The following SHROOM3 variants were observed in gnomAD, a reference collection of about 807,000 sequenced individuals.
SHROOM3 encodes protein Shroom3.
In SHROOM3, 47 loss-of-function variants were observed where a neutral mutation model predicts 138.6. The ratio of observed to expected loss-of-function variants is 0.34; its 90% confidence interval spans 0.27 to 0.43. SHROOM3 has a LOEUF of 0.43. Among genes scored for constraint, SHROOM3 ranks in the 20% least tolerant of loss-of-function variants. SHROOM3 has a pLI of 1.00. For missense variants in SHROOM3, 2,491 were observed against 2,596.5 expected, an observed-to-expected ratio of 0.96 and a Z score of 0.88; for synonymous variants, 1,062 against 1,063.3, an observed-to-expected ratio of 1.00 and a Z score of 0.02.
intron 3 of SHROOM3, among the ~76,000 whole-genome samples, chr4:76,725,709 A>G (rs1000566310): frequency 1.3e-5 from 2 of 152,084 alleles, no homozygotes; most frequent in African/African-American, 4.8e-5. Flanking sequence ...TTTTCGTGCT[A>G]CCTACTTGCT....
chr4:76,706,810 C>T (rs902985409), intron 2 of SHROOM3, among the ~76,000 whole-genome samples: 42 of 152,334 alleles, frequency 2.8e-4, no homozygotes, highest in African/African-American at 1.0e-3. Flanking sequence ...CAACTAGCAG[C>T]CAGTGTGAAT....
intron 2 of SHROOM3, among the ~76,000 whole-genome samples, chr4:76,663,878 T>C (rs1256724559): frequency 2.6e-5 from 4 of 152,190 alleles, no homozygotes; most frequent in Middle Eastern, 3.2e-3. Context: ...TGGCCATAGT[T>C]CCAACTGGTT....
chr4:76,483,025 A>T (rs1482660660), intron 1 of SHROOM3, among the ~76,000 whole-genome samples: 1 of 152,216 alleles, frequency 6.6e-6, no homozygotes, highest in Non-Finnish European at 1.5e-5. Context: ...ACTTAAATGT[A>T]AAACCTGAAA....
chr4:76,611,086 C>T (rs1374268002), intron 2 of SHROOM3, among the ~76,000 whole-genome samples: 1 of 152,092 alleles, frequency 6.6e-6, no homozygotes, highest in Non-Finnish European at 1.5e-5. Context: ...ATTAAATTGA[C>T]CATTTTAACC....
At chr4:76,516,067 G>C (rs1732437860) in intron 1 of SHROOM3, among the ~76,000 whole-genome samples, 1 of 152,184 alleles carries the variant, frequency 6.6e-6, no homozygotes, top group South Asian at 2.1e-4. Flanking sequence ...AGTCAGGTTA[G>C]TGTGTGAAAC....
chr4:76,483,313 A>T (rs1460592634), intron 1 of SHROOM3, among the ~76,000 whole-genome samples: 1 of 152,224 alleles, frequency 6.6e-6, no homozygotes, highest in African/African-American at 2.4e-5. Flanking sequence ...AGAAAAAAAC[A>T]ACCCCATCAA....
At chr4:76,460,609 G>C (rs2109975460) in intron 1 of SHROOM3, among the ~76,000 whole-genome samples, 1 of 152,098 alleles carries the variant, frequency 6.6e-6, no homozygotes, top group Non-Finnish European at 1.5e-5. Flanking sequence ...TTTGTCCTAA[G>C]TTTGCAGAGG....
chr4:76,650,621 T>C (rs967472263), intron 2 of SHROOM3, among the ~76,000 whole-genome samples: 2 of 152,048 alleles, frequency 1.3e-5, no homozygotes, highest in Non-Finnish European at 2.9e-5. Context: ...CTCAGCTCAC[T>C]GCAACCTCTG....
chr4:76,567,682 T>C (rs1733755266), intron 2 of SHROOM3, among the ~76,000 whole-genome samples: 1 of 152,100 alleles, frequency 6.6e-6, no homozygotes, highest in African/African-American at 2.4e-5. Context: ...AAAGATTCTT[T>C]GGAATGTTTC....
chr4:76,446,824 A>G (rs973025705), intron 1 of SHROOM3, among the ~76,000 whole-genome samples: 3 of 152,124 alleles, frequency 2.0e-5, no homozygotes, highest in Non-Finnish European at 4.4e-5. Context: ...ACCAAACTTT[A>G]TCTCATTTTG....
chr4:76,453,134 G>A (rs1730959587), intron 1 of SHROOM3, among the ~76,000 whole-genome samples: 1 of 152,140 alleles, frequency 6.6e-6, no homozygotes, highest in African/African-American at 2.4e-5. Context: ...GTAATTCTAA[G>A]TTTAATTTTA....
intron 2 of SHROOM3, among the ~76,000 whole-genome samples, chr4:76,594,762 G>A (rs940045143): frequency 6.6e-6 from 1 of 152,204 alleles, no homozygotes; most frequent in Non-Finnish European, 1.5e-5. Context: ...TGCAAATCTG[G>A]ATTTGGTGCA....
intron 1 of SHROOM3, among the ~76,000 whole-genome samples, chr4:76,547,661 G>A (rs930230055): frequency 1.3e-5 from 2 of 152,202 alleles, no homozygotes; most frequent in Non-Finnish European, 2.9e-5. Flanking sequence ...CAGGCGCGGC[G>A]GCTCATGCCT....
chr4:76,749,094 T>C lies in SHROOM3; in HGVS notation c.3827+4T>C, dbSNP rs1247165934. On this transcript the variant is annotated splice_donor_region_variant and intron_variant, in intron 6 of 10. Transcript: ENST00000296043. Reference sequence around the variant, plus strand: ...ATTTGGCTGGTCCTGGATCTAGGTATGTACATGTACTTATGATGCTCTCTG... The same window carrying C: ...ATTTGGCTGGTCCTGGATCTAGGTACGTACATGTACTTATGATGCTCTCTG... 2 of 1,612,998 alleles carry C rather than the reference T, an allele frequency of 1.2e-6. No homozygotes were observed. Among genetic ancestry groups the C allele is most frequent in the African/African-American group, 2.7e-5 (2 of 74,922 alleles).
At chr4:76,733,946 ACT>A (rs1447427471) in intron 4 of SHROOM3, among the ~76,000 whole-genome samples, 22 of 151,882 alleles carry the variant, frequency 1.4e-4, no homozygotes, top group African/African-American at 5.3e-4. Context: ...GACCCTTGAC[ACT>A]CTGTTTTTGC....
chr4:76,600,319 A>G (rs1261391660), intron 2 of SHROOM3, among the ~76,000 whole-genome samples: 3 of 135,192 alleles, frequency 2.2e-5, no homozygotes, highest in African/African-American at 5.2e-5. Flanking sequence ...GTCAAAGAGT[A>G]GGTTATATAC....
At chr4:76,606,141 G>A (rs567263144) in intron 2 of SHROOM3, among the ~76,000 whole-genome samples, 1 of 147,812 alleles carries the variant, frequency 6.8e-6, no homozygotes, top group African/African-American at 2.5e-5. Context: ...AGCCTCCTAA[G>A]TAGCTGGTAT....
intron 1 of SHROOM3, among the ~76,000 whole-genome samples, chr4:76,493,449 G>C (rs763421933): frequency 6.6e-6 from 1 of 152,140 alleles, no homozygotes; most frequent in Admixed American, 6.5e-5. Context: ...GTAATGGCCT[G>C]AGCCTAAATT....
At chr4:76,474,438 A>G (rs1307535672) in intron 1 of SHROOM3, among the ~76,000 whole-genome samples, 1 of 152,232 alleles carries the variant, frequency 6.6e-6, no homozygotes, top group Non-Finnish European at 1.5e-5. Context: ...CTGGTAAGTG[A>G]ATTATTATCT....
Sources: gnomAD v4.1 joint callset for allele counts (sites outside exome capture counted in the v4.1 genomes callset) on GRCh38, gnomAD v4.1.1 for gene constraint, MANE v1.5 for transcripts, NCBI Gene and HGNC (gene_info 2026-07-23, HGNC 2026-07-21) for gene names.